Variants in CDH12 observed in about 807,000 individuals in gnomAD.
The protein encoded by CDH12 is cadherin-12.
A neutral mutation model predicts 74.1 loss-of-function variants in CDH12; 41 were observed. That is an observed-to-expected ratio of 0.55 (90% CI 0.43 to 0.72). The LOEUF is 0.72. CDH12 is among the 30% of genes least tolerant of loss of function. The pLI, the probability that CDH12 is intolerant of heterozygous loss-of-function variation, is 0.00. For missense variants in CDH12, 945 were observed against 977.2 expected (o/e 0.97, Z 0.44); for synonymous variants, 399 against 355.0 (o/e 1.12, Z -1.39).
At chr5:22,777,151 G>GA (rs1466466984) in intron 1 of CDH12, among the ~76,000 whole-genome samples, 2 of 151,850 alleles carry the variant, frequency 1.3e-5, no homozygotes, top group South Asian at 2.1e-4. Context: ...CCCCAAAACA[G>GA]AAAAAAAATC....
At chr5:22,559,060 A>G (rs533959887) in intron 1 of CDH12, among the ~76,000 whole-genome samples, 3 of 152,178 alleles carry the variant, frequency 2.0e-5, no homozygotes, top group Non-Finnish European at 2.9e-5. Flanking sequence ...CCACCCGTTT[A>G]CACACCCACT....
chr5:22,841,116 C>A (rs528186143), intron 1 of CDH12, among the ~76,000 whole-genome samples: 1 of 152,142 alleles, frequency 6.6e-6, no homozygotes, highest in Non-Finnish European at 1.5e-5. Flanking sequence ...AAAAGAATAG[C>A]ATTTTCTCTT....
rs1174476588 is a variant in CDH12, at chr5:22,559,347, T to A, written c.-522-53983A>T. ...AAAGACGGTAATTATATATGCATAC[T>A]TTACCTCAGCGAAAAAATTTTTAAA... On this transcript the variant is annotated intron_variant, in intron 1 of 14. Coordinates refer to ENST00000382254, the MANE Select transcript of CDH12 (RefSeq NM_004061.5). Among the ~76,000 whole-genome samples the A allele has an allele frequency of 2.0e-5, 3 of 152,016 alleles. No individual in the cohort carries two copies. The East Asian group carries it at 5.8e-4, about 29-fold the overall frequency.
intron 3 of CDH12, among the ~76,000 whole-genome samples, chr5:22,218,682 AC>A (rs1467195063): frequency 2.6e-5 from 4 of 151,612 alleles, no homozygotes; most frequent in African/African-American, 9.7e-5. Flanking sequence ...ATGTGTCAAA[AC>A]CCATCTAATT....
At chr5:22,372,776 T>C (rs912823798) in intron 3 of CDH12, among the ~76,000 whole-genome samples, 1 of 152,044 alleles carries the variant, frequency 6.6e-6, no homozygotes, top group East Asian at 1.9e-4. Flanking sequence ...CTGGCACCAA[T>C]CTGAAAACAG....
intron 4 of CDH12, among the ~76,000 whole-genome samples, chr5:22,098,384 G>A (rs1743927814): frequency 6.6e-6 from 1 of 152,162 alleles, no homozygotes; most frequent in Non-Finnish European, 1.5e-5. Flanking sequence ...GGCATGGTTA[G>A]TGTGGTCAGA....
intron 7 of CDH12, among the ~76,000 whole-genome samples, chr5:21,843,114 T>G (rs1046835261): frequency 6.6e-6 from 1 of 152,160 alleles, no homozygotes; most frequent in African/African-American, 2.4e-5. Flanking sequence ...AACCAAAACC[T>G]CCTGGATTAT....
chr5:22,142,075 C>T (rs1372981871), intron 4 of CDH12, among the ~76,000 whole-genome samples: 1 of 152,054 alleles, frequency 6.6e-6, no homozygotes, highest in Non-Finnish European at 1.5e-5. Flanking sequence ...GAACAGGGAA[C>T]ATTGGAGAAG....
At chr5:22,835,002 G>A (rs867583640) in intron 1 of CDH12, among the ~76,000 whole-genome samples, 9 of 151,934 alleles carry the variant, frequency 5.9e-5, no homozygotes, top group Non-Finnish European at 1.0e-4. Context: ...AAATAAAAAC[G>A]CATGAAATGT....
chr5:21,852,651 C>T (rs114178733), intron 7 of CDH12, among the ~76,000 whole-genome samples: 7,208 of 151,338 alleles, frequency 0.048, 283 homozygotes, highest in South Asian at 0.11. Flanking sequence ...ATGCTAAATC[C>T]TTCATTCTAA....
chr5:22,778,669 A>T (rs1378787116), intron 1 of CDH12, among the ~76,000 whole-genome samples: 3 of 152,140 alleles, frequency 2.0e-5, no homozygotes, highest in Non-Finnish European at 4.4e-5. Flanking sequence ...AAAATACATT[A>T]TTTTTAATCA....
chr5:22,202,252 A>T (rs1368411060), intron 4 of CDH12, among the ~76,000 whole-genome samples: 2 of 149,608 alleles, frequency 1.3e-5, no homozygotes, highest in African/African-American at 2.5e-5. Flanking sequence ...CTAGGTGATG[A>T]GCCTGCAGCA....
intron 1 of CDH12, among the ~76,000 whole-genome samples, chr5:22,512,293 C>T (rs370008846): frequency 2.9e-4 from 44 of 152,254 alleles, no homozygotes; most frequent in African/African-American, 2.4e-4. Context: ...GAATTAGATA[C>T]ACTTGCTTTG....
At chr5:22,165,143 C>T (rs940695544) in intron 4 of CDH12, among the ~76,000 whole-genome samples, 1 of 152,094 alleles carries the variant, frequency 6.6e-6, no homozygotes, top group Non-Finnish European at 1.5e-5. Context: ...TTGGTCTGAT[C>T]ATGTCATTCC....
intron 3 of CDH12, among the ~76,000 whole-genome samples, chr5:22,316,838 A>C (rs1314234537): frequency 1.3e-5 from 2 of 152,170 alleles, no homozygotes; most frequent in South Asian, 4.1e-4. Context: ...ATGTCAGATG[A>C]ACAGTTCCAG....
chr5:22,656,794 T>A (rs1376269578), intron 1 of CDH12, among the ~76,000 whole-genome samples: 1 of 152,174 alleles, frequency 6.6e-6, no homozygotes, highest in Non-Finnish European at 1.5e-5. Context: ...TATCCATTAA[T>A]AGTAGACAGA....
chr5:22,068,728 G>A (rs1299271377), intron 5 of CDH12, among the ~76,000 whole-genome samples: 1 of 152,168 alleles, frequency 6.6e-6, no homozygotes, highest in Non-Finnish European at 1.5e-5. Flanking sequence ...CATCAGCAGA[G>A]GAAGATATTA....
chr5:22,690,409 A>G (rs1042156698), intron 1 of CDH12, among the ~76,000 whole-genome samples: 1 of 152,192 alleles, frequency 6.6e-6, no homozygotes, highest in Non-Finnish European at 1.5e-5. Flanking sequence ...AAAGGAATCC[A>G]TAATATTTTA....
chr5:22,829,661 C>A (rs1736494248), intron 1 of CDH12, among the ~76,000 whole-genome samples: 1 of 152,110 alleles, frequency 6.6e-6, no homozygotes, highest in African/African-American at 2.4e-5. Context: ...TGGCGTGGAC[C>A]TTTTCTATTT....
Sources: allele counts gnomAD v4.1 joint callset (sites outside exome capture counted in the v4.1 genomes callset), GRCh38; gene constraint gnomAD v4.1.1; transcripts MANE v1.5; gene names NCBI Gene and HGNC (gene_info 2026-07-23, HGNC 2026-07-21).